The following DLGAP1 variants were observed in gnomAD, a reference collection of about 807,000 sequenced individuals.
The protein encoded by DLGAP1 is disks large-associated protein 1.
DLGAP1 carries 11 observed loss-of-function variants against 90.8 expected under a neutral mutation model. That is an observed-to-expected ratio of 0.12 (90% CI 0.08 to 0.20). DLGAP1 has a LOEUF of 0.20. DLGAP1 is among the 10% of genes least tolerant of loss of function. DLGAP1 has a pLI of 1.00. For missense variants in DLGAP1, 1,050 were observed against 1,333.8 expected, an observed-to-expected ratio of 0.79 and a Z score of 3.31; for synonymous variants, 558 against 540.7, an observed-to-expected ratio of 1.03 and a Z score of -0.44.
chr18:3,715,283 A>G lies in DLGAP1; in HGVS notation c.1591+13852T>C, dbSNP rs564752325. On this transcript the variant is annotated intron_variant, in intron 7 of 12. Transcript: ENST00000315677. ...AATGCCTTTGAGCTCTCTCTGGAAA[A>G]GAGCAAGAAAAAGGGAAGGCAAAGG... 4.6e-5 allele frequency among the ~76,000 whole-genome samples: 7 copies of G among 152,338 alleles called. No homozygotes were observed. In the East Asian group the frequency reaches 1.3e-3, roughly 29 times the overall value.
chr18:3,820,512 A>C (rs1406283992), intron 4 of DLGAP1, among the ~76,000 whole-genome samples: 1 of 152,230 alleles, frequency 6.6e-6, no homozygotes, highest in African/African-American at 2.4e-5. Context: ...CTATTTGCAC[A>C]GTTACCCCTC....
intron 4 of DLGAP1, among the ~76,000 whole-genome samples, chr18:3,834,974 A>T (rs555751229): frequency 3.9e-5 from 6 of 152,348 alleles, no homozygotes; most frequent in African/African-American, 1.4e-4. Flanking sequence ...GGACCACAGA[A>T]TCAGAAATTA....
At chr18:3,581,786 C>G in intron 8 of DLGAP1, 89 bp downstream of exon 8, 1 of 1,537,074 alleles carries the variant, frequency 6.5e-7, no homozygotes, top group Non-Finnish European at 8.8e-7. Flanking sequence ...TTCCAAGCGG[C>G]AAGAAAGCAA....
At chr18:4,046,798 G>C (rs1186411918) in intron 2 of DLGAP1, among the ~76,000 whole-genome samples, 1 of 152,212 alleles carries the variant, frequency 6.6e-6, no homozygotes, top group Admixed American at 6.5e-5. Flanking sequence ...AGTTTGAAGT[G>C]TCTGTAGAAC....
At chr18:3,641,181 A>G (rs1376390611) in intron 7 of DLGAP1, among the ~76,000 whole-genome samples, 3 of 151,914 alleles carry the variant, frequency 2.0e-5, no homozygotes, top group Non-Finnish European at 2.9e-5. Flanking sequence ...CTAGTATTAT[A>G]TATCATATAT....
intron 7 of DLGAP1, among the ~76,000 whole-genome samples, chr18:3,674,318 T>TATATATATATATA (rs2060216347): frequency 1.4e-5 from 2 of 145,872 alleles, no homozygotes; most frequent in African/African-American, 2.6e-5. Flanking sequence ...TATATGTATA[T>TATATATATATATA]TTTAAAAAAT....
chr18:4,183,291 G>T (rs1253746033), intron 1 of DLGAP1, among the ~76,000 whole-genome samples: 1 of 151,980 alleles, frequency 6.6e-6, no homozygotes, highest in Non-Finnish European at 1.5e-5. Flanking sequence ...TAACTCTAGT[G>T]CAAAATAAAA....
chr18:4,009,102 A>G (rs1271327190), intron 2 of DLGAP1, among the ~76,000 whole-genome samples: 4 of 152,076 alleles, frequency 2.6e-5, no homozygotes, highest in Non-Finnish European at 4.4e-5. Flanking sequence ...ACGGGGTTTC[A>G]CCATGTTAGC....
intron 1 of DLGAP1, among the ~76,000 whole-genome samples, chr18:4,405,634 T>C (rs547611955): frequency 1.3e-5 from 2 of 152,148 alleles, no homozygotes; most frequent in South Asian, 4.2e-4. Context: ...GTTCTGAAGA[T>C]TGACATTTTA....
At chr18:3,962,157 A>C (rs1900999309) in intron 3 of DLGAP1, among the ~76,000 whole-genome samples, 1 of 152,228 alleles carries the variant, frequency 6.6e-6, no homozygotes, top group African/African-American at 2.4e-5. Context: ...TCTCAGTGGT[A>C]AGAATTTTTG....
chr18:4,104,916 TTAAC>T (rs1370949138), intron 2 of DLGAP1, among the ~76,000 whole-genome samples: 1 of 152,214 alleles, frequency 6.6e-6, no homozygotes, highest in Admixed American at 6.5e-5. Flanking sequence ...TTCCTTCATG[TTAAC>T]TTTGAGCAAA....
intron 7 of DLGAP1, among the ~76,000 whole-genome samples, chr18:3,673,887 G>A (rs1298732067): frequency 1.3e-5 from 2 of 150,372 alleles, no homozygotes; most frequent in East Asian, 3.9e-4. Context: ...CTGTTGCCCA[G>A]GCTGGAGTGC....
intron 5 of DLGAP1, among the ~76,000 whole-genome samples, chr18:3,776,767 A>T (rs898431209): frequency 6.6e-6 from 1 of 152,198 alleles, no homozygotes; most frequent in Non-Finnish European, 1.5e-5. Flanking sequence ...ATTCAAAGAG[A>T]TCACTGGGAA....
chr18:4,374,881 T>C (rs1598308846), intron 1 of DLGAP1, among the ~76,000 whole-genome samples: 1 of 152,112 alleles, frequency 6.6e-6, no homozygotes, highest in African/African-American at 2.4e-5. Flanking sequence ...TGTCAATTTG[T>C]AGTTTAAATA....
intron 7 of DLGAP1, among the ~76,000 whole-genome samples, chr18:3,584,715 G>A (rs183443045): frequency 2.8e-4 from 43 of 152,206 alleles, no homozygotes; most frequent in African/African-American, 9.4e-4. Flanking sequence ...CAGCCCAGGA[G>A]AACTTCCCAT....
rs142942685 is a variant in DLGAP1 at position 4,313,324 on chromosome 18, A to T, written c.-267+141682T>A. On this transcript the variant is annotated intron_variant, in intron 1 of 12. Transcript: ENST00000315677. ...AGAGAGACCTGGGTAATGGGAGTGG[A>T]GACAGTTGTATCCTTAAATAGGGTG... Among the ~76,000 whole-genome samples, 5 of 152,296 alleles carry T rather than the reference A, an allele frequency of 3.3e-5. No individual in the cohort carries two copies. The East Asian group carries it at 9.7e-4, about 29-fold the overall frequency.
intron 5 of DLGAP1, among the ~76,000 whole-genome samples, chr18:3,794,505 G>T (rs577537042): frequency 1.3e-5 from 2 of 152,326 alleles, no homozygotes; most frequent in East Asian, 3.9e-4. Flanking sequence ...GTCCCGTGGA[G>T]AACCCACCCA....
chr18:4,381,816 T>C (rs771619975), intron 1 of DLGAP1, among the ~76,000 whole-genome samples: 4 of 152,162 alleles, frequency 2.6e-5, no homozygotes. Context: ...TTCATGCTGC[T>C]GATAAAGACA....
intron 3 of DLGAP1, among the ~76,000 whole-genome samples, chr18:3,920,352 C>CAA (rs34353326): frequency 0.16 from 11,912 of 75,212 alleles, 932 homozygotes; most frequent in Non-Finnish European, 0.23. Context: ...AGACTCTGTC[C>CAA]AAAAAAAAAA....
Sources: allele counts gnomAD v4.1 joint callset (sites outside exome capture counted in the v4.1 genomes callset), GRCh38; gene constraint gnomAD v4.1.1; transcripts MANE v1.5; gene names NCBI Gene and HGNC (gene_info 2026-07-23, HGNC 2026-07-21).